PDE7B: variants seen among roughly 807,000 people sequenced by gnomAD.
PDE7B encodes the protein 3',5'-cyclic-AMP phosphodiesterase 7B.
In PDE7B, 29 loss-of-function variants were observed where a neutral mutation model predicts 56.2. The observed-to-expected ratio is 0.52, with a 90% CI of 0.38 to 0.70. PDE7B has a LOEUF of 0.70. Ranked by LOEUF, PDE7B falls within the 30% of genes least tolerant of loss-of-function variation. The pLI, the probability that PDE7B is intolerant of heterozygous loss-of-function variation, is 0.00. For missense variants in PDE7B, 490 were observed against 565.0 expected, an observed-to-expected ratio of 0.87 and a Z score of 1.35; for synonymous variants, 197 against 196.9, an observed-to-expected ratio of 1.00 and a Z score of 0.00.
intron 11 of PDE7B, among the ~76,000 whole-genome samples, chr6:136,185,352 A>T (rs568616523): frequency 6.6e-6 from 1 of 152,120 alleles, no homozygotes; most frequent in African/African-American, 2.4e-5. Context: ...CCACTTTACT[A>T]GTGGTGTGAC....
intron 2 of PDE7B, among the ~76,000 whole-genome samples, chr6:135,992,876 A>G (rs767610683): frequency 1.3e-5 from 2 of 152,248 alleles, no homozygotes; most frequent in Non-Finnish European, 2.9e-5. Flanking sequence ...AGTGCTTTCA[A>G]GTACACAATC....
At chr6:136,145,986 A>T (rs1370451649) in intron 3 of PDE7B, among the ~76,000 whole-genome samples, 2 of 152,186 alleles carry the variant, frequency 1.3e-5, no homozygotes, top group Non-Finnish European at 1.5e-5. Context: ...TAAATACAAC[A>T]TGTGTAAAAC....
At position 136,181,214 on chromosome 6, in the gene PDE7B, T is replaced by C; in HGVS notation, c.949-13T>C. 5 of 1,598,988 alleles carry C rather than the reference T, an allele frequency of 3.1e-6. No homozygotes were observed. Among genetic ancestry groups the C allele is most frequent in the South Asian group, 1.1e-5 (1 of 90,660 alleles). ...ATCCTCTCACAATTTCTCCCCGCCC[T>C]GTCATTTCTCAGATCGCCTTGAAGT... On this transcript the variant is annotated splice_polypyrimidine_tract_variant and intron_variant, in intron 10 of 12. Transcript: ENST00000308191.
rs552027255 is a variant in PDE7B at position 136,004,073 on chromosome 6, A to C, written c.82+56549A>C. On this transcript the variant is annotated intron_variant, in intron 2 of 12. Coordinates refer to ENST00000308191, the MANE Select transcript of PDE7B (RefSeq NM_018945.4). ...ATACACAAATCAATAAATGTAATCCAGCATATAAACAGAACCAAAGACAAA... is the reference window on the plus strand; with the variant it reads ...ATACACAAATCAATAAATGTAATCCCGCATATAAACAGAACCAAAGACAAA... Among the ~76,000 whole-genome samples the C allele has an allele frequency of 5.0e-3, 765 of 152,288 alleles. 8 individuals carry two copies. The highest frequency in any genetic ancestry group is 0.017 in the African/African-American group (692 of 41,552).
intron 2 of PDE7B, among the ~76,000 whole-genome samples, chr6:136,033,715 T>C (rs765635641): frequency 6.6e-6 from 1 of 152,218 alleles, no homozygotes; most frequent in Non-Finnish European, 1.5e-5. Context: ...GCATTATTTC[T>C]TGAGATTAGC....
At chr6:135,884,442 T>C (rs1775665891) in intron 1 of PDE7B, among the ~76,000 whole-genome samples, 1 of 152,184 alleles carries the variant, frequency 6.6e-6, no homozygotes, top group Non-Finnish European at 1.5e-5. Context: ...AACCAGTCTT[T>C]CCGGCAGAAT....
chr6:136,116,541 T>C (rs1777834248), intron 3 of PDE7B, among the ~76,000 whole-genome samples: 1 of 152,036 alleles, frequency 6.6e-6, no homozygotes, highest in Non-Finnish European at 1.5e-5. Context: ...AAAGAAGACA[T>C]AAAACTGGAG....
At chr6:135,885,462 C>T (rs1775690514) in intron 1 of PDE7B, among the ~76,000 whole-genome samples, 1 of 152,116 alleles carries the variant, frequency 6.6e-6, no homozygotes, top group Non-Finnish European at 1.5e-5. Flanking sequence ...ACCACTCTTC[C>T]CACATCAACA....
At chr6:136,058,838 A>G (rs1177687893) in intron 2 of PDE7B, among the ~76,000 whole-genome samples, 1 of 152,200 alleles carries the variant, frequency 6.6e-6, no homozygotes, top group Non-Finnish European at 1.5e-5. Context: ...AAAGTCATTT[A>G]CTTTAAATAA....
At chr6:135,946,230 T>C (rs1202693835) in intron 1 of PDE7B, among the ~76,000 whole-genome samples, 1 of 151,136 alleles carries the variant, frequency 6.6e-6, no homozygotes, top group Non-Finnish European at 1.5e-5. Context: ...ATATATTTTA[T>C]ATTATTTGAA....
intron 2 of PDE7B, among the ~76,000 whole-genome samples, chr6:136,000,913 C>T (rs1358289133): frequency 6.6e-6 from 1 of 152,148 alleles, no homozygotes; most frequent in Non-Finnish European, 1.5e-5. Context: ...GGTCCCTGAC[C>T]CCTGACCCCT....
intron 8 of PDE7B, among the ~76,000 whole-genome samples, chr6:136,160,267 T>C (rs117660836): frequency 0.024 from 3,600 of 152,252 alleles, 61 homozygotes; most frequent in Non-Finnish European, 0.036. Flanking sequence ...CCTGATGTGG[T>C]ATTCTAGAAC....
At chr6:136,031,924 C>G (rs1191837833) in intron 2 of PDE7B, among the ~76,000 whole-genome samples, 1 of 152,146 alleles carries the variant, frequency 6.6e-6, no homozygotes, top group Non-Finnish European at 1.5e-5. Context: ...TGGATAATCT[C>G]TCCTCCACTC....
intron 2 of PDE7B, among the ~76,000 whole-genome samples, chr6:136,001,780 G>T (rs1205755206): frequency 5.3e-5 from 8 of 152,072 alleles, no homozygotes; most frequent in Non-Finnish European, 1.0e-4. Context: ...CACTCTGCAG[G>T]ATATTATCCA....
At chr6:136,075,496 G>A (rs187234210) in intron 2 of PDE7B, among the ~76,000 whole-genome samples, 194 of 152,278 alleles carry the variant, frequency 1.3e-3, no homozygotes, top group Non-Finnish European at 2.1e-3. Flanking sequence ...TCCCACACTT[G>A]ATACCAAGGA....
chr6:135,934,502 G>A (rs1177239162), intron 1 of PDE7B, among the ~76,000 whole-genome samples: 2 of 151,312 alleles, frequency 1.3e-5, no homozygotes, highest in African/African-American at 2.4e-5. Flanking sequence ...CAAGGCAGGC[G>A]GATCACCTGA....
chr6:135,858,001 C>G (rs994679642), intron 1 of PDE7B, among the ~76,000 whole-genome samples: 6 of 152,026 alleles, frequency 3.9e-5, no homozygotes, highest in Admixed American at 1.3e-4. Flanking sequence ...GTTCAACTTT[C>G]CCCTCCATAA....
At chr6:136,084,565 T>G (rs1489844510) in intron 2 of PDE7B, among the ~76,000 whole-genome samples, 1 of 152,214 alleles carries the variant, frequency 6.6e-6, no homozygotes, top group Non-Finnish European at 1.5e-5. Context: ...TTTCTGTGAT[T>G]CAAGATAAAC....
intron 3 of PDE7B, among the ~76,000 whole-genome samples, chr6:136,126,748 G>C (rs1778028834): frequency 2.0e-5 from 3 of 152,174 alleles, no homozygotes; most frequent in Non-Finnish European, 4.4e-5. Flanking sequence ...TGAGAGCTAA[G>C]CTATGAGGAT....
Sources: gnomAD v4.1 joint callset for allele counts (sites outside exome capture counted in the v4.1 genomes callset) on GRCh38, gnomAD v4.1.1 for gene constraint, MANE v1.5 for transcripts, NCBI Gene and HGNC (gene_info 2026-07-23, HGNC 2026-07-21) for gene names.